The following JAK1 variants were observed in gnomAD, a reference collection of about 807,000 sequenced individuals.
JAK1 encodes the protein tyrosine-protein kinase JAK1.
In JAK1, 16 loss-of-function variants were observed where a neutral mutation model predicts 136.6. That is an observed-to-expected ratio of 0.12 (90% CI 0.08 to 0.18). JAK1 has a LOEUF of 0.18. JAK1 is among the 10% of genes least tolerant of loss of function. The probability of loss-of-function intolerance (pLI) is 1.00; values close to 1 mark genes in which losing one functional copy is unlikely to be tolerated. For synonymous variants in JAK1, 492 were observed against 519.5 expected (o/e 0.95, Z 0.72); for missense variants, 859 against 1,450.1 (o/e 0.59, Z 6.62).
chr1:64,902,583 A>AGAGAGAGAGAGAGTGTGT, intron 1 of JAK1, among the ~76,000 whole-genome samples: 738 of 73,780 alleles, frequency 0.01, 11 homozygotes, highest in South Asian at 0.017. Flanking sequence ...AGAGAGAGAG[A>AGAGAGAGAGAGAGTGTGT]GTGTGTGTGT....
At chr1:65,002,850 G>A (rs1646772430) in intron 2 of JAK1, among the ~76,000 whole-genome samples, 1 of 152,196 alleles carries the variant, frequency 6.6e-6, no homozygotes, top group South Asian at 2.1e-4. Flanking sequence ...GGAAAGCGCT[G>A]TGGCGGGCGG....
At chr1:64,909,254 T>C (rs1252595779) in intron 1 of JAK1, among the ~76,000 whole-genome samples, 2 of 152,198 alleles carry the variant, frequency 1.3e-5, no homozygotes, top group African/African-American at 4.8e-5. Context: ...TCACAAGAGC[T>C]GCTGACAGGG....
intron 2 of JAK1, chr1:65,023,038 AT>A (rs1646949957): frequency 6.6e-6 from 1 of 152,100 alleles, no homozygotes; most frequent in Non-Finnish European, 1.5e-5. Context: ...TCTCTGTATC[AT>A]TCCAACTATT....
At chr1:64,837,859 G>T in intron 22 of JAK1, 73 bp downstream of exon 22, 1 of 1,279,450 alleles carries the variant, frequency 7.8e-7, no homozygotes, top group Non-Finnish European at 1.1e-6. Flanking sequence ...CATTAATATA[G>T]CCAGAAAGGG....
chr1:64,836,419 G>A (rs937135757), intron 22 of JAK1, among the ~76,000 whole-genome samples: 4 of 152,092 alleles, frequency 2.6e-5, no homozygotes, highest in African/African-American at 9.6e-5. Flanking sequence ...ACAGGCTCTC[G>A]GTAGCACGTA....
intron 8 of JAK1, among the ~76,000 whole-genome samples, chr1:64,863,993 T>C (rs1451739307): frequency 1.3e-5 from 2 of 152,250 alleles, no homozygotes; most frequent in Non-Finnish European, 2.9e-5. Flanking sequence ...CAAACTGTTT[T>C]CCAAAAGGTT....
At chr1:64,861,229 A>T (rs1344045609) in intron 8 of JAK1, among the ~76,000 whole-genome samples, 2 of 152,138 alleles carry the variant, frequency 1.3e-5, no homozygotes, top group Admixed American at 1.3e-4. Flanking sequence ...CTTGCTCTAG[A>T]AGGTGAAACT....
intron 1 of JAK1, among the ~76,000 whole-genome samples, chr1:64,932,238 C>T (rs1645708481): frequency 6.6e-6 from 1 of 152,036 alleles, no homozygotes; most frequent in Non-Finnish European, 1.5e-5. Flanking sequence ...CATGGCGAAA[C>T]CCTGTCTCTA....
intron 2 of JAK1, among the ~76,000 whole-genome samples, chr1:65,000,864 G>T (rs1171002463): frequency 2.0e-5 from 3 of 150,488 alleles, no homozygotes; most frequent in Admixed American, 1.3e-4. Context: ...TTTTTTTGGT[G>T]GGGGGGCGGT....
At chr1:64,939,038 T>C (rs1013184720) in intron 1 of JAK1, among the ~76,000 whole-genome samples, 2 of 152,174 alleles carry the variant, frequency 1.3e-5, no homozygotes, top group African/African-American at 4.8e-5. Flanking sequence ...TGCAATGGCA[T>C]GACCATGGCT....
chr1:64,861,364 G>C (rs1656328023), intron 8 of JAK1, among the ~76,000 whole-genome samples: 1 of 152,154 alleles, frequency 6.6e-6, no homozygotes, highest in Admixed American at 6.5e-5. Context: ...AAAGGCACCT[G>C]TGGAGAAGAG....
chr1:64,970,294 A>G (rs969200725), upstream of JAK1, among the ~76,000 whole-genome samples: 1 of 151,550 alleles, frequency 6.6e-6, no homozygotes, highest in African/African-American at 2.4e-5. Flanking sequence ...ACAAAAAATT[A>G]GTTGGGCATG....
At chr1:64,959,055 C>G (rs773769704) in intron 1 of JAK1, among the ~76,000 whole-genome samples, 2 of 152,184 alleles carry the variant, frequency 1.3e-5, no homozygotes, top group African/African-American at 2.4e-5. Flanking sequence ...AATTAGGGAG[C>G]TTTCTTGTCT....
rs1443393931 is a variant in JAK1 at position 64,920,141 on chromosome 1, C to T, written c.-77-33800G>A. On this transcript the variant is annotated intron_variant, in intron 1 of 24. Coordinates refer to ENST00000342505, the MANE Select transcript of JAK1 (RefSeq NM_002227.4). ...TAAAGAATCAAACAAAATTTTTAAG[C>T]ATAAAGAGGAGATGTAGTATTAAGG... 2.0e-5 allele frequency among the ~76,000 whole-genome samples: 3 copies of T among 152,068 alleles called. No homozygotes were observed. In the South Asian group the frequency reaches 6.2e-4, roughly 32 times the overall value.
In JAK1 at chr1:64,841,578, C is replaced by A; in HGVS notation, c.2427G>T (p.Arg809=). ...LIEKERFYES[R]CRPVTPSCKE... ...TACATGATGGTGTCACTGGCCTGCA[C>A]CGGCTTTCATAGAATCTCTCTTTCT... Residue 809 remains arginine (R), a synonymous_variant, in exon 18 of 25, where the codon CGG becomes CGT. Transcript: ENST00000342505. 1.2e-6 allele frequency: 2 copies of A among 1,614,080 alleles called. No homozygotes were observed. The highest frequency in any genetic ancestry group is 1.7e-6 in the Non-Finnish European group (2 of 1,180,038).
chr1:65,064,381 G>A (rs930274478), intron 1 of JAK1, among the ~76,000 whole-genome samples: 1 of 152,190 alleles, frequency 6.6e-6, no homozygotes, highest in Admixed American at 6.5e-5. Flanking sequence ...AGTAAAAGAT[G>A]TTACCCCATC....
chr1:65,034,105 G>A (rs140361225), intron 2 of JAK1, among the ~76,000 whole-genome samples: 5 of 152,316 alleles, frequency 3.3e-5, no homozygotes, highest in Non-Finnish European at 7.3e-5. Context: ...AAAGGGGAAA[G>A]GTATTCCACA....
intron 4 of JAK1, among the ~76,000 whole-genome samples, chr1:64,876,951 A>C (rs768741539): frequency 6.6e-6 from 1 of 152,222 alleles, no homozygotes; most frequent in South Asian, 2.1e-4. Flanking sequence ...GGCTTCTATA[A>C]AATGTTTTAA....
intron 1 of JAK1, among the ~76,000 whole-genome samples, chr1:64,932,571 G>A (rs954959483): frequency 6.6e-6 from 1 of 152,156 alleles, no homozygotes; most frequent in Admixed American, 6.6e-5. Flanking sequence ...ACTAGTGTCA[G>A]CATGGTGCTA....
Sources: allele counts gnomAD v4.1 joint callset (sites outside exome capture counted in the v4.1 genomes callset), GRCh38; gene constraint gnomAD v4.1.1; transcripts MANE v1.5; gene names NCBI Gene and HGNC (gene_info 2026-07-23, HGNC 2026-07-21).